Variants in NME7 observed in about 807,000 individuals in gnomAD.
NME7 encodes the protein NME/NM23 family member 7, also known as nucleoside diphosphate kinase 7.
Under a neutral mutation model 49.1 loss-of-function variants are expected in NME7, and 41 were observed. That is an observed-to-expected ratio of 0.83 (90% confidence interval 0.65 to 1.08). The LOEUF is 1.08. Among genes scored for constraint, NME7 ranks in the 50% least tolerant of loss-of-function variants. The pLI, the probability that NME7 is intolerant of heterozygous loss-of-function variation, is 0.00. For synonymous variants in NME7, 139 were observed against 150.6 expected, an observed-to-expected ratio of 0.92 and a Z score of 0.56; for missense variants, 423 against 463.4, an observed-to-expected ratio of 0.91 and a Z score of 0.80.
intron 6 of NME7, among the ~76,000 whole-genome samples, chr1:169,295,595 C>T (rs1252828876): frequency 1.3e-5 from 2 of 152,156 alleles, no homozygotes; most frequent in Admixed American, 6.5e-5. Context: ...CTTTAACTTC[C>T]TTAACACTTC....
chr1:169,357,770 C>G (rs572872980), intron 1 of NME7, among the ~76,000 whole-genome samples: 20 of 152,160 alleles, frequency 1.3e-4, no homozygotes, highest in Admixed American at 1.3e-3. Context: ...TGGCAAGAAA[C>G]AGACTGGGTC....
chr1:169,354,189 T>C (rs967692621), intron 1 of NME7, among the ~76,000 whole-genome samples: 17 of 152,070 alleles, frequency 1.1e-4, no homozygotes, highest in African/African-American at 4.1e-4. Flanking sequence ...ATGGTACATA[T>C]ACCAAATGAA....
At chr1:169,278,713 T>A (rs1360989615) in intron 7 of NME7, among the ~76,000 whole-genome samples, 1 of 152,246 alleles carries the variant, frequency 6.6e-6, no homozygotes, top group Non-Finnish European at 1.5e-5. Context: ...CCAGCTTTGT[T>A]CCATTGCTGG....
At chr1:169,234,455 C>T (rs2300159) in intron 9 of NME7, among the ~76,000 whole-genome samples, 57,280 of 151,716 alleles carry the variant, frequency 0.38, 11,515 homozygotes, top group East Asian at 0.79. Flanking sequence ...ATAATCAACA[C>T]GGAATCTACT....
intron 7 of NME7, among the ~76,000 whole-genome samples, chr1:169,282,382 A>AT (rs1170136398): frequency 6.6e-6 from 1 of 151,528 alleles, no homozygotes; most frequent in Non-Finnish European, 1.5e-5. Context: ...TATTTTGATG[A>AT]TTTTTTCAAA....
chr1:169,246,883 A>G (rs1185432179), intron 7 of NME7: 3 of 376,782 alleles, frequency 8.0e-6, no homozygotes, highest in African/African-American at 2.1e-5. Flanking sequence ...CTGGTCCAGT[A>G]TAACAACACC....
intron 10 of NME7, among the ~76,000 whole-genome samples, chr1:169,174,907 T>A (rs1405617606): frequency 6.6e-6 from 1 of 152,190 alleles, no homozygotes; most frequent in Non-Finnish European, 1.5e-5. Flanking sequence ...CACTGTACAC[T>A]TGGGCTACAC....
At chr1:169,176,645 C>T (rs994884765) in intron 10 of NME7, among the ~76,000 whole-genome samples, 7 of 152,080 alleles carry the variant, frequency 4.6e-5, no homozygotes, top group Non-Finnish European at 1.0e-4. Flanking sequence ...TTTGCTGTTT[C>T]AGCCAACAAT....
intron 1 of NME7, among the ~76,000 whole-genome samples, chr1:169,342,976 T>C (rs1571406104): frequency 1.0e-4 from 8 of 77,800 alleles, no homozygotes; most frequent in South Asian, 9.0e-4. Flanking sequence ...TATATACAAG[T>C]ACATATATAT....
chr1:169,288,589 G>C (rs1413363159), intron 6 of NME7, among the ~76,000 whole-genome samples: 1 of 152,082 alleles, frequency 6.6e-6, no homozygotes, highest in Non-Finnish European at 1.5e-5. Flanking sequence ...TATAGAATGT[G>C]TTAATGTGCC....
chr1:169,278,047 G>A (rs1017363140), intron 7 of NME7, among the ~76,000 whole-genome samples: 5 of 151,724 alleles, frequency 3.3e-5, no homozygotes, highest in South Asian at 2.1e-4. Flanking sequence ...AGTTTCTGCC[G>A]AGAGATCCGC....
chr1:169,158,284 G>GT (rs1659141833), intron 11 of NME7, among the ~76,000 whole-genome samples: 1 of 152,184 alleles, frequency 6.6e-6, no homozygotes, highest in South Asian at 2.1e-4. Flanking sequence ...ATTAGGCACA[G>GT]TAAGAGATTA....
chr1:169,200,127 C>G (rs10919094), intron 10 of NME7, among the ~76,000 whole-genome samples: 53,647 of 149,120 alleles, frequency 0.36, 10,327 homozygotes, highest in East Asian at 0.73. Context: ...GGCTTATGGT[C>G]TGGACTGGTG....
chr1:169,151,771 G>A (rs1557963430), intron 11 of NME7, among the ~76,000 whole-genome samples: 1 of 152,038 alleles, frequency 6.6e-6, no homozygotes, highest in South Asian at 2.1e-4. Flanking sequence ...TCCAGACCTC[G>A]GTCAGTATCT....
chr1:169,285,104 C>T (rs1382513677), intron 7 of NME7: 1 of 151,914 alleles, frequency 6.6e-6, no homozygotes, highest in Non-Finnish European at 1.5e-5. Context: ...TTGAATATTC[C>T]TTACAGAAAT....
intron 10 of NME7, among the ~76,000 whole-genome samples, chr1:169,211,047 C>T (rs931036787): frequency 2.0e-5 from 3 of 151,136 alleles, no homozygotes; most frequent in Non-Finnish European, 4.4e-5. Context: ...ATCATTAGTT[C>T]TTTCAGATCA....
In NME7 at chr1:169,323,239, A is replaced by C; in HGVS notation, c.156T>G (p.Tyr52Ter). ...NHRTFLKRTKYDNLHLEDLFI... is the reference protein window; with the variant it reads ...NHRTFLKRTK ...ATAAATCTTCCAAGTGCAGGTTATC[A>C]TATTTGGTCCGCTTTAAAAAGGTGC... The change falls in exon 3 of 12, where the codon TAT (tyrosine) becomes TAG (stop). Residue 52 changes from tyrosine to a stop codon, truncating the protein, a stop_gained. Transcript: ENST00000367811. LOFTEE classifies it high-confidence loss of function. 1 of 1,606,540 alleles carries C rather than the reference A, an allele frequency of 6.2e-7. No homozygotes were observed. Among genetic ancestry groups the C allele is most frequent in the Non-Finnish European group, 8.5e-7 (1 of 1,176,708 alleles).
At chr1:169,170,562 ATATT>A (rs1331002648) in intron 10 of NME7, among the ~76,000 whole-genome samples, 1 of 152,178 alleles carries the variant, frequency 6.6e-6, no homozygotes, top group Admixed American at 6.5e-5. Context: ...ATTTTATTTC[ATATT>A]TATTACTTTC....
intron 6 of NME7, among the ~76,000 whole-genome samples, chr1:169,293,475 T>C (rs1650592078): frequency 1.3e-5 from 2 of 152,192 alleles, no homozygotes; most frequent in African/African-American, 4.8e-5. Context: ...TGTCCACTGA[T>C]TTATAATGGC....
Sources: allele counts gnomAD v4.1 joint callset (sites outside exome capture counted in the v4.1 genomes callset), GRCh38; gene constraint gnomAD v4.1.1; transcripts MANE v1.5; gene names NCBI Gene and HGNC (gene_info 2026-07-23, HGNC 2026-07-21).